ADK: variants seen among roughly 807,000 people sequenced by gnomAD.
ADK encodes N6,N6-dimethyladenosine kinase.
ADK carries 24 observed loss-of-function variants against 44.7 expected under a neutral mutation model. The observed-to-expected ratio is 0.54, with a 90% CI of 0.39 to 0.76. ADK has a LOEUF of 0.76. Ranked by LOEUF, ADK falls within the 30% of genes least tolerant of loss-of-function variation. The pLI is 0.00. For missense variants in ADK, 321 were observed against 425.1 expected, an observed-to-expected ratio of 0.76 and a Z score of 2.15; for synonymous variants, 128 against 142.6, an observed-to-expected ratio of 0.90 and a Z score of 0.73.
intron 3 of ADK, among the ~76,000 whole-genome samples, chr10:74,225,216 T>C (rs1026578434): frequency 1.3e-5 from 2 of 152,190 alleles, no homozygotes; most frequent in Non-Finnish European, 2.9e-5. Flanking sequence ...TAGCTGGGAT[T>C]ACAGGTGCCC....
intron 9 of ADK, among the ~76,000 whole-genome samples, chr10:74,601,802 A>C (rs531284954): frequency 7.4e-4 from 113 of 151,954 alleles, no homozygotes; most frequent in African/African-American, 2.7e-3. Flanking sequence ...GATTAAAAGA[A>C]AGGAGGACAA....
In ADK at chr10:74,362,386, G is replaced by A. The variant is rs1223206086; in HGVS notation, c.274-31755G>A. 2.0e-5 allele frequency among the ~76,000 whole-genome samples: 3 copies of A among 148,018 alleles called. No homozygotes were observed. In the East Asian group the frequency reaches 5.9e-4, roughly 29 times the overall value. On this transcript the variant is annotated intron_variant, in intron 4 of 10. Coordinates refer to ENST00000539909, the MANE Select transcript of ADK (RefSeq NM_006721.4). ...CTTCATTAATTTTTTTTTTTTAGTT[G>A]CAGGATTTCTGGTTTTTTAAAAAAG...
intron 6 of ADK, among the ~76,000 whole-genome samples, chr10:74,400,265 T>C (rs1328163872): frequency 6.6e-6 from 1 of 152,180 alleles, no homozygotes; most frequent in Admixed American, 6.6e-5. Context: ...TTGTAGCTTC[T>C]GTTTCAGCAG....
At chr10:74,474,231 G>A (rs556191296) in intron 6 of ADK, among the ~76,000 whole-genome samples, 2 of 151,540 alleles carry the variant, frequency 1.3e-5, no homozygotes, top group Non-Finnish European at 2.9e-5. Context: ...ATCTACCTGA[G>A]TAGCTAGGAC....
chr10:74,188,343 A>ATT (rs765922880), intron 1 of ADK, among the ~76,000 whole-genome samples: 9,400 of 81,208 alleles, frequency 0.12, 602 homozygotes, highest in Non-Finnish European at 0.15. Flanking sequence ...TGTATTTTTA[A>ATT]TTTTTTTTTT....
chr10:74,545,400 A>G (rs759419780), intron 7 of ADK, among the ~76,000 whole-genome samples: 9 of 152,168 alleles, frequency 5.9e-5, no homozygotes, highest in Non-Finnish European at 1.0e-4. Context: ...GTACCCTTAT[A>G]CTAATTTAAC....
intron 3 of ADK, among the ~76,000 whole-genome samples, chr10:74,263,748 T>A (rs1050585620): frequency 2.0e-5 from 3 of 152,218 alleles, no homozygotes; most frequent in African/African-American, 7.2e-5. Context: ...TTGATTTGCG[T>A]GTTCTAAAAC....
intron 3 of ADK, among the ~76,000 whole-genome samples, chr10:74,287,584 G>A (rs546010928): frequency 6.6e-6 from 1 of 152,234 alleles, no homozygotes; most frequent in South Asian, 2.1e-4. Context: ...CATGAGAGAG[G>A]GGGATGTTAT....
chr10:74,537,337 G>A (rs1309611569), intron 7 of ADK, among the ~76,000 whole-genome samples: 1 of 152,174 alleles, frequency 6.6e-6, no homozygotes, highest in East Asian at 1.9e-4. Flanking sequence ...CAAAATTACT[G>A]TAGTTTAAAA....
intron 4 of ADK, among the ~76,000 whole-genome samples, chr10:74,323,911 T>C (rs1372297115): frequency 6.6e-6 from 1 of 151,962 alleles, no homozygotes; most frequent in Non-Finnish European, 1.5e-5. Flanking sequence ...TCTATAACCA[T>C]TAGTAGTCAT....
At chr10:74,342,996 A>G (rs1841637288) in intron 4 of ADK, among the ~76,000 whole-genome samples, 1 of 151,956 alleles carries the variant, frequency 6.6e-6, no homozygotes, top group African/African-American at 2.4e-5. Flanking sequence ...AATTGCTGTG[A>G]CTAGTAGTTG....
chr10:74,587,358 G>A (rs1305535146), intron 7 of ADK, among the ~76,000 whole-genome samples: 1 of 152,140 alleles, frequency 6.6e-6, no homozygotes, highest in Non-Finnish European at 1.5e-5. Context: ...AGGGTAACTT[G>A]GTCAGGCTTA....
intron 8 of ADK, among the ~76,000 whole-genome samples, chr10:74,591,408 T>C (rs1189941838): frequency 1.3e-5 from 2 of 152,194 alleles, no homozygotes; most frequent in Non-Finnish European, 2.9e-5. Context: ...AGTGTCTTGA[T>C]GTGTCTCTTC....
intron 6 of ADK, among the ~76,000 whole-genome samples, chr10:74,467,288 A>G (rs941892119): frequency 6.6e-6 from 1 of 152,156 alleles, no homozygotes; most frequent in Non-Finnish European, 1.5e-5. Flanking sequence ...GCAAGCCTAT[A>G]TCTAAGAAAC....
In ADK at chr10:74,542,908, A is replaced by T. The variant is rs113515298; in HGVS notation, c.726+17482A>T. ...TAGTTATTTATTTATTTATTTATTT[A>T]TTTTTTTAATGAGATGGAGTCTCGC... On this transcript the variant is annotated intron_variant, in intron 7 of 10. Transcript: ENST00000539909. 9.6e-3 allele frequency among the ~76,000 whole-genome samples: 1,445 copies of T among 150,592 alleles called. 16 individuals carry two copies. The highest frequency in any genetic ancestry group is 0.024 in the African/African-American group (993 of 40,882).
intron 4 of ADK, among the ~76,000 whole-genome samples, chr10:74,340,288 C>T (rs1362409543): frequency 1.3e-5 from 2 of 152,024 alleles, no homozygotes; most frequent in Admixed American, 1.3e-4. Flanking sequence ...TTTATTGTTT[C>T]ATTGTGTGTC....
intron 9 of ADK, among the ~76,000 whole-genome samples, chr10:74,639,727 A>G (rs931103676): frequency 6.6e-6 from 1 of 152,042 alleles, no homozygotes; most frequent in Middle Eastern, 3.2e-3. Flanking sequence ...TCCCAGCTAC[A>G]TGGCAGACTG....
chr10:74,302,676 G>C (rs1216669025), intron 3 of ADK, among the ~76,000 whole-genome samples: 1 of 152,050 alleles, frequency 6.6e-6, no homozygotes, highest in South Asian at 2.1e-4. Context: ...CATGCCTATG[G>C]TCCCAGCTAC....
At chr10:74,352,624 A>G (rs180705568) in intron 4 of ADK, among the ~76,000 whole-genome samples, 1 of 152,356 alleles carries the variant, frequency 6.6e-6, no homozygotes, top group East Asian at 1.9e-4. Flanking sequence ...AACTATCATC[A>G]GAGTGAACAG....
Sources: gnomAD v4.1 joint callset for allele counts (sites outside exome capture counted in the v4.1 genomes callset) on GRCh38, gnomAD v4.1.1 for gene constraint, MANE v1.5 for transcripts, NCBI Gene and HGNC (gene_info 2026-07-23, HGNC 2026-07-21) for gene names.